HEATR4: variants seen among roughly 807,000 people sequenced by gnomAD.
HEATR4 encodes the protein HEAT repeat-containing protein 4.
HEATR4 carries 95 observed loss-of-function variants against 108.8 expected under a neutral mutation model. That is an observed-to-expected ratio of 0.87 (90% CI 0.74 to 1.04). The LOEUF (loss-of-function observed/expected upper bound fraction) is 1.04. HEATR4 is among the 50% of genes least tolerant of loss of function. The pLI is 0.00. For synonymous variants in HEATR4, 443 were observed against 459.4 expected, an observed-to-expected ratio of 0.96 and a Z score of 0.46; for missense variants, 1,152 against 1,253.8, an observed-to-expected ratio of 0.92 and a Z score of 1.23.
rs777866454 is a variant in HEATR4 at position 73,512,081 on chromosome 14, G to C, written c.1483C>G (p.Arg495Gly). The C allele has an allele frequency of 5.0e-5, 80 of 1,613,978 alleles. No individual in the cohort carries two copies. The highest frequency in any genetic ancestry group is 5.8e-5 in the Non-Finnish European group (69 of 1,180,020). Reference sequence around the variant, plus strand: ...GCACATGTGGTGATAGCTTTGATCCGAACGTCATCATGCAGGTCTCCCAAG... The same window carrying C: ...GCACATGTGGTGATAGCTTTGATCCCAACGTCATCATGCAGGTCTCCCAAG... ...QSLGDLHDDVRIKAITTCATA... is the reference protein window; with the variant it reads ...QSLGDLHDDVGIKAITTCATA... Residue 495 changes from arginine to glycine, a missense_variant, in exon 7 of 18, where the codon CGG becomes GGG. Transcript: ENST00000553558.
chr14:73,611,870 A>G, the HEATR4 span, among the ~76,000 whole-genome samples: 1 of 152,098 alleles, frequency 6.6e-6, no homozygotes, highest in Non-Finnish European at 1.5e-5. Context: ...CTGAGGGGTA[A>G]AGGACGGATT....
chr14:73,622,826 T>A, the HEATR4 span, among the ~76,000 whole-genome samples: 1 of 152,190 alleles, frequency 6.6e-6, no homozygotes, highest in African/African-American at 2.4e-5. Flanking sequence ...GAGGCTAATA[T>A]AATAGTGCTT....
the HEATR4 span, among the ~76,000 whole-genome samples, chr14:73,574,561 C>A: frequency 3.3e-5 from 5 of 151,990 alleles, no homozygotes; most frequent in Middle Eastern, 3.2e-3. Context: ...CCACTCCCGG[C>A]CATGAGATGA....
the HEATR4 span, chr14:73,575,706 G>A: frequency 1.8e-6 from 1 of 564,066 alleles, no homozygotes; most frequent in Admixed American, 3.2e-5. Context: ...AGTTTGGGAA[G>A]GGAGTAACTG....
the HEATR4 span, among the ~76,000 whole-genome samples, chr14:73,578,945 C>T: frequency 0.021 from 3,134 of 151,670 alleles, 89 homozygotes; most frequent in South Asian, 0.093. Flanking sequence ...ATTAGCAGGG[C>T]GTGATGGCGG....
In HEATR4 at chr14:73,548,265, A is replaced by G. The variant is rs1566852866; in HGVS notation, c.-152+10486T>C. Among the ~76,000 whole-genome samples, 2 of 115,674 alleles carry G rather than the reference A, an allele frequency of 1.7e-5. 1 individual carries two copies. Among genetic ancestry groups the G allele is most frequent in the African/African-American group, 5.6e-5 (2 of 35,636 alleles). The allele number at this position is 115,674 out of a possible 152,430, so 75.9% of individuals were successfully genotyped here. A position where few individuals can be genotyped will look rare whatever the true frequency, so the allele number is the denominator to read the frequency against. ...TGTGATAAAGAGAGTGAGTTTTATT[A>G]TCCATGCTAGCAAGGGGAGAAGTGA... On this transcript the variant is annotated intron_variant, in intron 1 of 17. Transcript: ENST00000553558.
chr14:73,504,263 G>C (rs1886668435), intron 10 of HEATR4, among the ~76,000 whole-genome samples: 1 of 147,278 alleles, frequency 6.8e-6, no homozygotes, highest in Non-Finnish European at 1.5e-5. Flanking sequence ...TTTTTTTTGA[G>C]ACGGAGCCTC....
the HEATR4 span, among the ~76,000 whole-genome samples, chr14:73,587,567 G>T: frequency 6.6e-6 from 1 of 152,176 alleles, no homozygotes; most frequent in South Asian, 2.1e-4. Flanking sequence ...CATTGGCCAA[G>T]CTGGTCTCAA....
the HEATR4 span, among the ~76,000 whole-genome samples, chr14:73,590,519 G>A: frequency 6.6e-6 from 1 of 152,264 alleles, no homozygotes; most frequent in Non-Finnish European, 1.5e-5. Flanking sequence ...CTGGGCGTTA[G>A]TGGAGCAGGG....
the HEATR4 span, chr14:73,569,305 C>T: frequency 2.5e-6 from 4 of 1,613,934 alleles, no homozygotes; most frequent in African/African-American, 2.7e-5. Flanking sequence ...TTCAAAATGG[C>T]CTCATCTCCT....
chr14:73,520,924 G>T lies in HEATR4; in HGVS notation c.997C>A (p.Arg333Ser), dbSNP rs749894837. The T allele has an allele frequency of 3.7e-6, 6 of 1,613,914 alleles. No individual in the cohort carries two copies. The highest frequency in any genetic ancestry group is 3.3e-4 in the Middle Eastern group (2 of 6,084). ...TTTCCAGCTCGGGGAGTCACCTGGC[G>T]AAAGTAGCTCTGGGTTTGGGGCTGG... Reference protein sequence around the residue: ...LSQPQTQSYFRQVTPRAGKFA... With the variant: ...LSQPQTQSYFSQVTPRAGKFA... The change falls in exon 4 of 18, where the codon CGC (arginine) becomes AGC (serine). Residue 333 changes from arginine (R) to serine (S), a missense_variant. Arg to Ser is a moderately radical substitution (Grantham distance 110). Coordinates refer to ENST00000553558, the MANE Select transcript of HEATR4 (RefSeq NM_001220484.1).
chr14:73,575,249 T>C, the HEATR4 span: 1 of 882,074 alleles, frequency 1.1e-6, no homozygotes, highest in Non-Finnish European at 1.6e-6. Flanking sequence ...GTGAGTTCTA[T>C]GCTAATGAGG....
chr14:73,487,106 A>AAAT (rs754176817), intron 17 of HEATR4, among the ~76,000 whole-genome samples: 6 of 148,136 alleles, frequency 4.1e-5, no homozygotes, highest in African/African-American at 1.5e-4. Context: ...TCTGTACTAA[A>AAAT]AATAATAATA....
intron 17 of HEATR4, among the ~76,000 whole-genome samples, chr14:73,488,529 T>G (rs927133012): frequency 6.6e-6 from 1 of 151,986 alleles, no homozygotes; most frequent in Non-Finnish European, 1.5e-5. Flanking sequence ...CTTGGCCTCC[T>G]GAAGTGCTGG....
chr14:73,520,995 G>T lies in HEATR4; in HGVS notation c.926C>A (p.Pro309His). 6.2e-7 allele frequency: 1 copy of T among 1,613,736 alleles called. No individual in the cohort carries two copies. The highest frequency in any genetic ancestry group is 8.5e-7 in the Non-Finnish European group (1 of 1,179,988). The change falls in exon 4 of 18, where the codon CCT (proline) becomes CAT (histidine). Residue 309 changes from proline to histidine, a missense_variant. Pro to His is a moderately conservative substitution (Grantham distance 77, BLOSUM62 -2). Coordinates refer to ENST00000553558, the MANE Select transcript of HEATR4 (RefSeq NM_001220484.1). ...FQQAETVEIM[P>H]GNKSTEDIHE... ...GATATCCTCAGTGCTCTTGTTGCCA[G>T]GCATGATCTCAACTGTCTCTGCTTG... is the stretch of plus-strand genomic sequence containing the variant.
the HEATR4 span, among the ~76,000 whole-genome samples, chr14:73,576,383 C>T: frequency 6.6e-6 from 1 of 151,912 alleles, no homozygotes; most frequent in Non-Finnish European, 1.5e-5. Flanking sequence ...AAGGATTCTC[C>T]TAGTGCAAAT....
chr14:73,582,260 G>C, the HEATR4 span: 1 of 150,222 alleles, frequency 6.7e-6, no homozygotes, highest in Admixed American at 6.6e-5. Context: ...AGAGTTGTTT[G>C]CTGCCTGTTG....
chr14:73,490,998 A>G, intron 17 of HEATR4: 2 of 1,361,980 alleles, frequency 1.5e-6, no homozygotes, highest in East Asian at 2.9e-5. Flanking sequence ...CCGGGCGGGG[A>G]AGACTGGTGT....
the HEATR4 span, chr14:73,619,393 A>G: frequency 6.2e-7 from 1 of 1,614,198 alleles, no homozygotes; most frequent in Non-Finnish European, 8.5e-7. Context: ...GATTATTCCT[A>G]AACTTGTCGA....
Sources: allele counts gnomAD v4.1 joint callset (sites outside exome capture counted in the v4.1 genomes callset), GRCh38; gene constraint gnomAD v4.1.1; transcripts MANE v1.5; gene names NCBI Gene and HGNC (gene_info 2026-07-23, HGNC 2026-07-21).